RGS20: variants seen among roughly 807,000 people sequenced by gnomAD.
RGS20 encodes gz-selective GTPase-activating protein.
Under a neutral mutation model 33.6 loss-of-function variants are expected in RGS20, and 30 were observed. The observed-to-expected ratio is 0.89, with a 90% CI of 0.67 to 1.21. RGS20 has a LOEUF of 1.21. Ranked by LOEUF, RGS20 falls within the 50% of genes most tolerant of loss-of-function variation. The pLI, the probability that RGS20 is intolerant of heterozygous loss-of-function variation, is 0.00. For synonymous variants in RGS20, 208 were observed against 197.9 expected, an observed-to-expected ratio of 1.05 and a Z score of -0.43; for missense variants, 472 against 502.4, an observed-to-expected ratio of 0.94 and a Z score of 0.58.
At chr8:53,904,126 CTT>C (rs35492125) in intron 2 of RGS20, among the ~76,000 whole-genome samples, 3,254 of 136,526 alleles carry the variant, frequency 0.024, 107 homozygotes, top group African/African-American at 0.078. Flanking sequence ...AATAACTTTG[CTT>C]TTTTTTTTTT....
rs186886133 is a variant in RGS20, at chr8:53,860,844, G to A, written c.165+8780G>A. On this transcript the variant is annotated intron_variant, in intron 1 of 5. Transcript: ENST00000297313. ...TAGCTGGGTGTGGTGGCACATGCCT[G>A]TAATCCCAGCTACTCAGGAGGCTGA... Among the ~76,000 whole-genome samples, 98 of 152,224 alleles carry A rather than the reference G, an allele frequency of 6.4e-4. 1 individual carries two copies. The East Asian group carries it at 0.014, about 21-fold the overall frequency.
intron 1 of RGS20, among the ~76,000 whole-genome samples, chr8:53,863,727 C>CT (rs370117372): frequency 0.033 from 4,306 of 129,204 alleles, 95 homozygotes; most frequent in African/African-American, 0.039. Context: ...TTTGTTTTAT[C>CT]TTTTTTTTTT....
At chr8:53,896,490 T>C (rs1464898712) in intron 2 of RGS20, among the ~76,000 whole-genome samples, 1 of 152,168 alleles carries the variant, frequency 6.6e-6, no homozygotes, top group Non-Finnish European at 1.5e-5. Flanking sequence ...ACTGAAAACA[T>C]TTGTCTACCT....
At chr8:53,947,888 A>ATATACATT (rs1229321901) in intron 4 of RGS20, among the ~76,000 whole-genome samples, 276 of 137,078 alleles carry the variant, frequency 2.0e-3, no homozygotes, top group Admixed American at 3.4e-3. Context: ...AAGATGTAGT[A>ATATACATT]TATATATGCT....
chr8:53,934,133 G>A (rs1169985136), intron 2 of RGS20, among the ~76,000 whole-genome samples: 10 of 152,182 alleles, frequency 6.6e-5, no homozygotes, highest in East Asian at 3.9e-4. Flanking sequence ...AGGAAAAACC[G>A]GCATCAGCCA....
intron 3 of RGS20, among the ~76,000 whole-genome samples, chr8:53,942,265 C>T (rs1470823065): frequency 6.6e-6 from 1 of 151,976 alleles, no homozygotes; most frequent in Non-Finnish European, 1.5e-5. Flanking sequence ...AAGAGCAAAA[C>T]TCCATCTCAA....
At position 53,877,532 on chromosome 8, in the gene RGS20, G is replaced by C. The variant is rs1043332160; in HGVS notation, c.166-1726G>C. On this transcript the variant is annotated intron_variant, in intron 1 of 5. Transcript: ENST00000297313. The surrounding 1 kb of genome is among the most constrained non-coding windows in gnomAD (Gnocchi z 5.7). ...CAGCAGCTCGTTCCCTGGGCGCCAA[G>C]ACCGATTTCCAAGTCGCCCACTTTC... is the stretch of plus-strand genomic sequence containing the variant. Among the ~76,000 whole-genome samples, 1 of 152,234 alleles carries C rather than the reference G, an allele frequency of 6.6e-6. No individual in the cohort carries two copies. The highest frequency in any genetic ancestry group is 1.9e-4 in the East Asian group (1 of 5,190).
chr8:53,854,949 G>T (rs1811640016), intron 1 of RGS20, among the ~76,000 whole-genome samples: 3 of 152,200 alleles, frequency 2.0e-5, no homozygotes, highest in Admixed American at 2.0e-4. Flanking sequence ...TAAAAGGAAT[G>T]AACTACTAAT....
intron 4 of RGS20, among the ~76,000 whole-genome samples, chr8:53,953,301 G>A (rs1415649667): frequency 2.6e-5 from 4 of 152,244 alleles, no homozygotes; most frequent in Middle Eastern, 6.8e-3. Context: ...TGGGCAGATC[G>A]CTTGAGCCCA....
chr8:53,867,786 G>A (rs1448177351), intron 1 of RGS20, among the ~76,000 whole-genome samples: 1 of 151,500 alleles, frequency 6.6e-6, no homozygotes, highest in Non-Finnish European at 1.5e-5. Context: ...GCAGTGGTGT[G>A]ATCCCAGCTA....
At chr8:53,931,552 A>AAACAACAACAACAACAAC (rs147351535) in intron 2 of RGS20, among the ~76,000 whole-genome samples, 2 of 150,592 alleles carry the variant, frequency 1.3e-5, no homozygotes, top group Non-Finnish European at 3.0e-5. Context: ...CAAAACTCCA[A>AAACAACAACAACAACAAC]AACAACAACA....
intron 2 of RGS20, among the ~76,000 whole-genome samples, chr8:53,904,788 C>A (rs542109620): frequency 2.0e-4 from 31 of 152,188 alleles, no homozygotes; most frequent in Non-Finnish European, 3.4e-4. Flanking sequence ...TCAGTACTTA[C>A]AAAATGGTCC....
intron 2 of RGS20, among the ~76,000 whole-genome samples, chr8:53,888,217 C>A (rs1464056802): frequency 6.6e-6 from 1 of 152,100 alleles, no homozygotes; most frequent in Non-Finnish European, 1.5e-5. Flanking sequence ...ACTATAATCC[C>A]CGCAAATTTC....
chr8:53,948,625 C>T lies in RGS20; in HGVS notation c.743+1877C>T, dbSNP rs62651853. On this transcript the variant is annotated intron_variant, in intron 4 of 5. Coordinates refer to ENST00000297313, the MANE Select transcript of RGS20 (RefSeq NM_170587.4). ...TACATATGCTATATATGATACAGTA[C>T]ATATTTACATATGCTATATATAAGA... Among the ~76,000 whole-genome samples, 297 of 81,300 alleles carry T rather than the reference C, an allele frequency of 3.7e-3. 20 individuals carry two copies. Among genetic ancestry groups the T allele is most frequent in the East Asian group, 4.9e-3 (15 of 3,046 alleles). The allele number at this position is 81,300 out of a possible 152,430, so 53.3% of individuals were successfully genotyped here.
chr8:53,883,854 G>A (rs557195454), intron 2 of RGS20, among the ~76,000 whole-genome samples: 1 of 151,882 alleles, frequency 6.6e-6, no homozygotes, highest in Non-Finnish European at 1.5e-5. Flanking sequence ...GCTGAGGCAG[G>A]AGAATTGCTT....
In RGS20 at chr8:53,939,634, C is replaced by T; in HGVS notation, c.569C>T (p.Thr190Ile). 1 of 1,603,160 alleles carries T rather than the reference C, an allele frequency of 6.2e-7. No individual in the cohort carries two copies. The highest frequency in any genetic ancestry group is 8.5e-7 in the Non-Finnish European group (1 of 1,175,906). Reference sequence around the variant, plus strand: ...CGGCAGATGCCCGCCGCCCAGGACACACCAGGCGCCGCCCCAGGCCAGCCC... The same window carrying T: ...CGGCAGATGCCCGCCGCCCAGGACATACCAGGCGCCGCCCCAGGCCAGCCC... The change falls in exon 3 of 6, where the codon ACA (threonine) becomes ATA (isoleucine). Residue 190 changes from threonine to isoleucine, a missense_variant. By Grantham distance (89) the Thr-to-Ile change is moderately conservative. Around this residue, in one of 3 missense-constraint regions of RGS20, gnomAD observed 319 missense variants for 283.4 expected, o/e 1.13. Coordinates refer to ENST00000297313, the MANE Select transcript of RGS20 (RefSeq NM_170587.4).
chr8:53,874,061 G>A lies in RGS20; in HGVS notation c.166-5197G>A, dbSNP rs187464836. Among the ~76,000 whole-genome samples, 16 of 152,152 alleles carry A rather than the reference G, an allele frequency of 1.1e-4. No homozygotes were observed. The East Asian group carries it at 2.7e-3, about 26-fold the overall frequency. On this transcript the variant is annotated intron_variant, in intron 1 of 5. Coordinates refer to ENST00000297313, the MANE Select transcript of RGS20 (RefSeq NM_170587.4). ...TAAAAATACAAAAAATTAGTTGGGC[G>A]TCATGGCACACACCTGTAATCCCAG...
At chr8:53,942,295 A>G (rs1814321886) in intron 3 of RGS20, among the ~76,000 whole-genome samples, 1 of 151,872 alleles carries the variant, frequency 6.6e-6, no homozygotes, top group South Asian at 2.1e-4. Context: ...TAAATAAAAA[A>G]TAAAACACAA....
At chr8:53,879,219 T>C in intron 1 of RGS20, 1 of 1,564,216 alleles carries the variant, frequency 6.4e-7, no homozygotes, top group Non-Finnish European at 8.8e-7. Context: ...GACACCACAG[T>C]AACCGTATGC....
Sources: gnomAD v4.1 joint callset for allele counts (sites outside exome capture counted in the v4.1 genomes callset) on GRCh38, gnomAD v4.1.1 for gene constraint, gnomAD v4.1.1 regional missense constraint, Gnocchi (gnomAD v3.1) non-coding constraint, MANE v1.5 for transcripts, NCBI Gene and HGNC (gene_info 2026-07-23, HGNC 2026-07-21) for gene names.